The following METTL6 variants were observed in gnomAD, a reference collection of about 807,000 sequenced individuals.
METTL6 encodes methyltransferase 6, tRNA N3-cytidine, also known as tRNA N(3)-cytidine methyltransferase METTL6.
Under a neutral mutation model 26.4 loss-of-function variants are expected in METTL6, and 22 were observed. That is an observed-to-expected ratio of 0.83 (90% CI 0.59 to 1.19). The LOEUF (loss-of-function observed/expected upper bound fraction) is 1.19. Ranked by LOEUF, METTL6 falls within the 50% of genes most tolerant of loss-of-function variation. The probability of loss-of-function intolerance (pLI) is 0.00; values close to 1 mark genes in which losing one functional copy is unlikely to be tolerated. For missense variants in METTL6, 304 were observed against 324.8 expected, an observed-to-expected ratio of 0.94 and a Z score of 0.49; for synonymous variants, 109 against 116.2, an observed-to-expected ratio of 0.94 and a Z score of 0.40.
At chr3:15,419,202 C>A (rs1021678304) in intron 3 of METTL6, among the ~76,000 whole-genome samples, 1 of 151,206 alleles carries the variant, frequency 6.6e-6, no homozygotes, top group Non-Finnish European at 1.5e-5. Flanking sequence ...AAAAGAGATA[C>A]TGTAAAGCGA....
intron 5 of METTL6, among the ~76,000 whole-genome samples, chr3:15,412,654 T>A (rs544385645): frequency 1.8e-4 from 27 of 147,608 alleles, no homozygotes; most frequent in Non-Finnish European, 3.0e-4. Flanking sequence ...TGGCTAATAT[T>A]TTTTTTTTTT....
At chr3:15,408,590 C>T (rs1203382485), downstream of METTL6, among the ~76,000 whole-genome samples, 16 of 106,486 alleles carry the variant, frequency 1.5e-4, no homozygotes, top group Admixed American at 1.3e-3. Flanking sequence ...CAATTGGACA[C>T]GGGGTCTCGC....
rs374005885 is a variant in METTL6, at chr3:15,426,521, T to C, written c.-10A>G. On this transcript the variant is annotated 5_prime_UTR_variant, in exon 2 of 6. Transcript: ENST00000383790. ...TTTGCAAAGAAGCCATCTCTGAAACTGACGGTAACACTTAACACAGCTGAA... is the reference window on the plus strand; with the variant it reads ...TTTGCAAAGAAGCCATCTCTGAAACCGACGGTAACACTTAACACAGCTGAA... 9.5e-5 allele frequency: 153 copies of C among 1,609,998 alleles called. No homozygotes were observed. The African/African-American group carries it at 1.8e-3, about 19-fold the overall frequency.
chr3:15,386,931 T>C lies in METTL6; in HGVS notation c.*12-2744A>G, dbSNP rs140385732. Among the ~76,000 whole-genome samples the C allele has an allele frequency of 2.0e-4, 31 of 152,212 alleles. No homozygotes were observed. The East Asian group carries it at 6.0e-3, about 29-fold the overall frequency. ...GCCTTGCCTCCTGAGTAGCTGGGAT[T>C]ACAGGCATGCACCACTACGCCCGGC... is the stretch of plus-strand genomic sequence containing the variant. On this transcript the variant is annotated intron_variant, in intron 6 of 6. Coordinates refer to the METTL6 transcript ENST00000443029.
downstream of METTL6, among the ~76,000 whole-genome samples, chr3:15,406,889 C>A (rs1424926376): frequency 6.6e-6 from 1 of 152,074 alleles, no homozygotes; most frequent in Non-Finnish European, 1.5e-5. Flanking sequence ...CTCAACCTCC[C>A]AAAATGCTGG....
In METTL6 at chr3:15,409,796, G is replaced by C. The variant is rs1473596107; in HGVS notation, c.*1460C>G. Among the ~76,000 whole-genome samples the C allele has an allele frequency of 6.6e-6, 1 of 152,224 alleles. No homozygotes were observed. The highest frequency in any genetic ancestry group is 1.5e-5 in the Non-Finnish European group (1 of 68,044). Reference sequence around the variant, plus strand: ...CACAGACAGAGCAAAAGTGGTATTTGTGGAACACTGGTTTTGAAGAAATAC... The same window carrying C: ...CACAGACAGAGCAAAAGTGGTATTTCTGGAACACTGGTTTTGAAGAAATAC... On this transcript the variant is annotated 3_prime_UTR_variant, in exon 6 of 6. Coordinates refer to ENST00000383790, the MANE Select transcript of METTL6 (RefSeq NM_152396.4).
intron 5 of METTL6, 112 bp downstream of exon 5, chr3:15,413,909 G>A (rs1216243597): frequency 6.4e-7 from 1 of 1,565,238 alleles, no homozygotes; most frequent in East Asian, 2.4e-5. Flanking sequence ...CTTGTTTCAG[G>A]GTCTCGTGCA....
At chr3:15,404,874 C>A (rs1385002554), downstream of METTL6, among the ~76,000 whole-genome samples, 1 of 152,114 alleles carries the variant, frequency 6.6e-6, no homozygotes, top group African/African-American at 2.4e-5. Flanking sequence ...CATTTGGTTT[C>A]AGTAGCAGAA....
In METTL6 at chr3:15,409,766, T is replaced by G. The variant is rs987881312; in HGVS notation, c.*1490A>C. On this transcript the variant is annotated 3_prime_UTR_variant, in exon 6 of 6. Transcript: ENST00000383790. ...TCAGATATGGAGCCATGGAGGGTTC[T>G]TGAGCACAGACAGAGCAAAAGTGGT... 6.6e-5 allele frequency among the ~76,000 whole-genome samples: 10 copies of G among 152,354 alleles called. No homozygotes were observed. The highest frequency in any genetic ancestry group is 1.9e-4 in the African/African-American group (8 of 41,586).
intron 4 of METTL6, chr3:15,414,857 G>T: frequency 1.6e-6 from 1 of 626,072 alleles, no homozygotes; most frequent in Non-Finnish European, 2.6e-6. Flanking sequence ...AGGAAGTTGA[G>T]GCTGCAGTGA....
chr3:15,386,878 C>T lies in METTL6; in HGVS notation c.*12-2691G>A, dbSNP rs1431742233. 3.9e-5 allele frequency among the ~76,000 whole-genome samples: 6 copies of T among 152,068 alleles called. No individual in the cohort carries two copies. The East Asian group carries it at 1.2e-3, about 29-fold the overall frequency. Reference sequence around the variant, plus strand: ...GTGCAATCTCAGCTCACTGAAACCTCTGCCTCCCAGGTTCAAGCGATTCTC... The same window carrying T: ...GTGCAATCTCAGCTCACTGAAACCTTTGCCTCCCAGGTTCAAGCGATTCTC... On this transcript the variant is annotated intron_variant, in intron 6 of 6. Transcript: ENST00000443029.
chr3:15,382,824 TGCA>T (rs1269766710), exon 7 of METTL6: 2 of 150,164 alleles, frequency 1.3e-5, no homozygotes, highest in Admixed American at 1.3e-4. Flanking sequence ...TTCTATCATT[TGCA>T]ACAACATGGG....
At chr3:15,425,736 T>C (rs947025925) in intron 2 of METTL6, among the ~76,000 whole-genome samples, 5 of 152,144 alleles carry the variant, frequency 3.3e-5, no homozygotes, top group African/African-American at 1.2e-4. Context: ...TAATATATAA[T>C]GTTTACAACT....
rs1163035608 is a variant in METTL6, at chr3:15,427,387, G to A, written c.-125+15C>T. On this transcript the variant is annotated intron_variant, in intron 1 of 5. Transcript: ENST00000383790. ...TCCTAAATTCACCTGCAGGGCTAGG[G>A]CCAGGCGCACTCACCCCACAGCCAG... 6 of 284,812 alleles carry A rather than the reference G, an allele frequency of 2.1e-5. No individual in the cohort carries two copies. Among genetic ancestry groups the A allele is most frequent in the Non-Finnish European group, 4.1e-5 (6 of 145,940 alleles). 17.6% of individuals were successfully genotyped at this position (284,812 alleles called of 1,614,324 possible).
chr3:15,417,087 G>T (rs541608938), intron 3 of METTL6, among the ~76,000 whole-genome samples: 3 of 152,088 alleles, frequency 2.0e-5, no homozygotes, highest in African/African-American at 4.8e-5. Context: ...TGAAAGGATC[G>T]CTTGAGTTCA....
intron 4 of METTL6, chr3:15,414,938 G>C (rs756192989): frequency 8.8e-7 from 1 of 1,138,016 alleles, no homozygotes; most frequent in South Asian, 1.7e-5. Flanking sequence ...AAATAAATAA[G>C]TGTTAGAGAC....
At chr3:15,393,693 G>A (rs1699410209) in intron 6 of METTL6, among the ~76,000 whole-genome samples, 1 of 152,152 alleles carries the variant, frequency 6.6e-6, no homozygotes. Flanking sequence ...TTTATTGAGA[G>A]TTTTTAGCAT....
At chr3:15,419,845 T>C (rs2061568359) in intron 3 of METTL6, among the ~76,000 whole-genome samples, 2 of 150,672 alleles carry the variant, frequency 1.3e-5, no homozygotes, top group Non-Finnish European at 3.0e-5. Flanking sequence ...TAAATATAAA[T>C]AGGGTAACTG....
At chr3:15,387,640 G>A (rs1699232732) in intron 6 of METTL6, among the ~76,000 whole-genome samples, 1 of 152,156 alleles carries the variant, frequency 6.6e-6, no homozygotes. Flanking sequence ...GGGAGAATCA[G>A]AGTGATCACT....
Sources: gnomAD v4.1 joint callset for allele counts (sites outside exome capture counted in the v4.1 genomes callset) on GRCh38, gnomAD v4.1.1 for gene constraint, MANE v1.5 for transcripts, NCBI Gene and HGNC (gene_info 2026-07-23, HGNC 2026-07-21) for gene names.